SHISA9: variants seen among roughly 807,000 people sequenced by gnomAD.
SHISA9 encodes the protein protein shisa-9.
Under a neutral mutation model 38.0 loss-of-function variants are expected in SHISA9, and 13 were observed. That is an observed-to-expected ratio of 0.34 (90% CI 0.22 to 0.54). The LOEUF (loss-of-function observed/expected upper bound fraction) is 0.54. Ranked by LOEUF, SHISA9 falls within the 20% of genes least tolerant of loss-of-function variation. The pLI is 0.91. For synonymous variants in SHISA9, 275 were observed against 242.0 expected (o/e 1.14, Z -1.27); for missense variants, 538 against 575.8 (o/e 0.93, Z 0.67).
At chr16:13,246,533 G>T in the SHISA9 span, 1 of 152,162 alleles carries the variant, frequency 6.6e-6, no homozygotes, top group Non-Finnish European at 1.5e-5. Flanking sequence ...AATGCTAATA[G>T]CAACAACTTC....
the SHISA9 span, among the ~76,000 whole-genome samples, chr16:13,367,580 A>G: frequency 1.6e-4 from 24 of 150,748 alleles, no homozygotes; most frequent in Non-Finnish European, 4.4e-5. Flanking sequence ...CCTAGCTTCT[A>G]TTGAATTCTG....
chr16:13,272,033 T>TTGCA, the SHISA9 span, among the ~76,000 whole-genome samples: 1 of 151,466 alleles, frequency 6.6e-6, no homozygotes, highest in Non-Finnish European at 1.5e-5. Context: ...GAGCTGCGAT[T>TTGCA]GTGCCACAGC....
intron 2 of SHISA9, among the ~76,000 whole-genome samples, chr16:13,162,447 T>C (rs1273260701): frequency 6.6e-6 from 1 of 152,204 alleles, no homozygotes; most frequent in Admixed American, 6.5e-5. Flanking sequence ...AGGGATGTTC[T>C]TTTTTACCTT....
chr16:13,202,171 C>T (rs1300143512), intron 2 of SHISA9, among the ~76,000 whole-genome samples: 2 of 125,446 alleles, frequency 1.6e-5, no homozygotes, highest in Admixed American at 7.9e-5. Context: ...CCACCCTCTC[C>T]AACCCCACCT....
chr16:13,357,341 T>C, the SHISA9 span, among the ~76,000 whole-genome samples: 2 of 152,022 alleles, frequency 1.3e-5, no homozygotes, highest in African/African-American at 4.8e-5. Context: ...AAGGGAGAGA[T>C]TGAAGTGTGG....
In SHISA9 at chr16:13,050,885, T is replaced by C. The variant is rs149441481; in HGVS notation, c.691+134070T>C. Among the ~76,000 whole-genome samples the C allele has an allele frequency of 4.6e-3, 697 of 152,312 alleles. 7 individuals are homozygous for C. The highest frequency in any genetic ancestry group is 0.016 in the African/African-American group (656 of 41,568). On this transcript the variant is annotated intron_variant, in intron 2 of 4. Coordinates refer to ENST00000558583, the MANE Select transcript of SHISA9 (RefSeq NM_001145204.3). Reference sequence around the variant, plus strand: ...AGGAAAATCTCAATTTTAAATATTCTGCCATGTTGCTGTCCTGGGTAAACC... The same window carrying C: ...AGGAAAATCTCAATTTTAAATATTCCGCCATGTTGCTGTCCTGGGTAAACC...
chr16:13,240,889 T>C (rs2051430075), downstream of SHISA9, among the ~76,000 whole-genome samples: 2 of 151,890 alleles, frequency 1.3e-5, no homozygotes, highest in African/African-American at 4.8e-5. Context: ...CTGACTATGG[T>C]TCCTCCAGAA....
chr16:13,559,472 G>A, the SHISA9 span, among the ~76,000 whole-genome samples: 1 of 151,734 alleles, frequency 6.6e-6, no homozygotes, highest in African/African-American at 2.4e-5. Flanking sequence ...CAAACTCCTG[G>A]GCTTAGGTCA....
the SHISA9 span, among the ~76,000 whole-genome samples, chr16:13,532,243 C>T: frequency 6.6e-6 from 1 of 152,198 alleles, no homozygotes; most frequent in African/African-American, 2.4e-5. Flanking sequence ...TTCAAGGATT[C>T]TGGGACAAGC....
chr16:13,057,861 C>T (rs2073328534), intron 2 of SHISA9, among the ~76,000 whole-genome samples: 1 of 152,104 alleles, frequency 6.6e-6, no homozygotes, highest in Middle Eastern at 3.2e-3. Context: ...TCCATGTGTT[C>T]TCATTGTTCA....
intron 2 of SHISA9, among the ~76,000 whole-genome samples, chr16:12,928,873 C>T (rs961180753): frequency 6.6e-6 from 1 of 152,288 alleles, no homozygotes; most frequent in East Asian, 1.9e-4. Context: ...CTGACAAAGA[C>T]GTTGCATAAG....
chr16:13,332,676 T>C, the SHISA9 span: 5 of 152,152 alleles, frequency 3.3e-5, no homozygotes, highest in Admixed American at 3.3e-4. Flanking sequence ...AGAATCACTG[T>C]TTTCCCCAGA....
At chr16:12,997,185 A>G (rs2072467766) in intron 2 of SHISA9, among the ~76,000 whole-genome samples, 1 of 151,878 alleles carries the variant, frequency 6.6e-6, no homozygotes, top group South Asian at 2.1e-4. Flanking sequence ...CTTTCACAGT[A>G]GTTTTGCATG....
At chr16:13,556,859 T>G in the SHISA9 span, among the ~76,000 whole-genome samples, 9 of 152,160 alleles carry the variant, frequency 5.9e-5, no homozygotes, top group African/African-American at 2.2e-4. Context: ...TTACATTGTA[T>G]TAGGTTTTAT....
intron 2 of SHISA9, among the ~76,000 whole-genome samples, chr16:13,070,300 C>G (rs1057272063): frequency 1.3e-5 from 2 of 152,184 alleles, no homozygotes; most frequent in Non-Finnish European, 2.9e-5. Context: ...CTCCCTCCCT[C>G]TCTCTTTCTC....
At chr16:13,268,058 G>A in the SHISA9 span, among the ~76,000 whole-genome samples, 1 of 151,904 alleles carries the variant, frequency 6.6e-6, no homozygotes, top group African/African-American at 2.4e-5. Context: ...ATTCATGGGG[G>A]CACTTCTAGG....
rs182066539 is a variant in SHISA9, at chr16:12,936,158, C to G, written c.691+19343C>G. On this transcript the variant is annotated intron_variant, in intron 2 of 4. Transcript: ENST00000558583. ...GTGCTTCGTTGGGTTCTTGGGATGA[C>G]GGGTGAGAAAGGCCTTTAAGACAAT... Among the ~76,000 whole-genome samples, 288 of 152,162 alleles carry G rather than the reference C, an allele frequency of 1.9e-3. 2 individuals are homozygous for G. Among genetic ancestry groups the G allele is most frequent in the Non-Finnish European group, 1.9e-3 (129 of 67,994 alleles).
the SHISA9 span, among the ~76,000 whole-genome samples, chr16:13,519,543 T>G: frequency 6.6e-6 from 1 of 152,186 alleles, no homozygotes; most frequent in African/African-American, 2.4e-5. Context: ...GCTACAGCTA[T>G]AGCTATCTTT....
chr16:13,558,897 T>C, the SHISA9 span, among the ~76,000 whole-genome samples: 14 of 152,238 alleles, frequency 9.2e-5, no homozygotes, highest in Non-Finnish European at 2.9e-5. Flanking sequence ...TCTGCACATT[T>C]CTGTGAATGA....
Sources: gnomAD v4.1 joint callset for allele counts (sites outside exome capture counted in the v4.1 genomes callset) on GRCh38, gnomAD v4.1.1 for gene constraint, MANE v1.5 for transcripts, NCBI Gene and HGNC (gene_info 2026-07-23, HGNC 2026-07-21) for gene names.